SLC35F4: variants seen among roughly 807,000 people sequenced by gnomAD.
The protein encoded by SLC35F4 is solute carrier family 35 member F4.
Under a neutral mutation model 44.2 loss-of-function variants are expected in SLC35F4, and 24 were observed. The observed-to-expected ratio is 0.54, with a 90% CI of 0.39 to 0.76. The LOEUF (loss-of-function observed/expected upper bound fraction) is 0.76. SLC35F4 is among the 30% of genes least tolerant of loss of function. The pLI is 0.00. For missense variants in SLC35F4, 562 were observed against 586.1 expected, an observed-to-expected ratio of 0.96 and a Z score of 0.42; for synonymous variants, 238 against 223.6, an observed-to-expected ratio of 1.06 and a Z score of -0.57.
chr14:57,813,947 G>A (rs1882271150), intron 1 of SLC35F4, among the ~76,000 whole-genome samples: 1 of 152,144 alleles, frequency 6.6e-6, no homozygotes, highest in Admixed American at 6.5e-5. Context: ...ACGCTTTAGG[G>A]TCTAGAAGTC....
intron 1 of SLC35F4, among the ~76,000 whole-genome samples, chr14:57,671,255 G>T (rs1341015148): frequency 6.6e-6 from 1 of 152,022 alleles, no homozygotes; most frequent in East Asian, 1.9e-4. Flanking sequence ...AAGCGGTGGG[G>T]AGCTGGGGCA....
intron 1 of SLC35F4, among the ~76,000 whole-genome samples, chr14:57,905,227 A>T (rs903172055): frequency 6.6e-6 from 1 of 152,166 alleles, no homozygotes; most frequent in Non-Finnish European, 1.5e-5. Flanking sequence ...AGCAGGCCTC[A>T]GTTTCTCTCC....
chr14:57,810,885 G>C (rs1397213578), intron 1 of SLC35F4, among the ~76,000 whole-genome samples: 1 of 152,234 alleles, frequency 6.6e-6, no homozygotes, highest in Non-Finnish European at 1.5e-5. Flanking sequence ...CTCTAAGGCA[G>C]ATGAATGTTT....
chr14:57,795,963 T>G (rs1235155311), intron 1 of SLC35F4, among the ~76,000 whole-genome samples: 1 of 152,114 alleles, frequency 6.6e-6, no homozygotes, highest in Non-Finnish European at 1.5e-5. Context: ...CCCTCCACCC[T>G]CAAGTAGGCC....
At chr14:57,599,781 G>A (rs889627474) in intron 1 of SLC35F4, among the ~76,000 whole-genome samples, 21 of 140,654 alleles carry the variant, frequency 1.5e-4, no homozygotes, top group Non-Finnish European at 1.8e-4. Flanking sequence ...CAGCCTGGGC[G>A]ACAGAGCAAG....
At chr14:57,590,217 T>A (rs1371760658) in intron 2 of SLC35F4, among the ~76,000 whole-genome samples, 40 of 128,680 alleles carry the variant, frequency 3.1e-4, no homozygotes, top group African/African-American at 1.1e-3. Context: ...AAGAGAGACC[T>A]TGTCTATGCA....
intron 1 of SLC35F4, among the ~76,000 whole-genome samples, chr14:57,860,451 C>G (rs1887584367): frequency 6.6e-6 from 1 of 152,108 alleles, no homozygotes; most frequent in Non-Finnish European, 1.5e-5. Flanking sequence ...CAAAGCTGAC[C>G]TACTGCATGG....
chr14:57,689,007 A>G (rs1283193873), intron 1 of SLC35F4, among the ~76,000 whole-genome samples: 1 of 152,154 alleles, frequency 6.6e-6, no homozygotes, highest in African/African-American at 2.4e-5. Context: ...ATTATTTGTT[A>G]GGCAACTGCA....
intron 1 of SLC35F4, among the ~76,000 whole-genome samples, chr14:57,955,281 T>C (rs1478016226): frequency 6.6e-6 from 1 of 152,162 alleles, no homozygotes; most frequent in South Asian, 2.1e-4. Flanking sequence ...TAGGTATTGA[T>C]AGAACATATC....
intron 1 of SLC35F4, among the ~76,000 whole-genome samples, chr14:57,839,605 C>G (rs995418687): frequency 6.6e-6 from 1 of 151,736 alleles, no homozygotes; most frequent in African/African-American, 2.4e-5. Context: ...TTCAGGGAGG[C>G]GGGGAGAGAG....
intron 1 of SLC35F4, among the ~76,000 whole-genome samples, chr14:57,745,666 G>T (rs910062205): frequency 1.3e-5 from 2 of 152,198 alleles, no homozygotes; most frequent in East Asian, 3.8e-4. Context: ...CACTGTGGAA[G>T]GCAGTGTGGC....
chr14:57,753,317 C>T (rs2076928087), intron 1 of SLC35F4, among the ~76,000 whole-genome samples: 1 of 152,166 alleles, frequency 6.6e-6, no homozygotes, highest in South Asian at 2.1e-4. Flanking sequence ...TTAGATTCTC[C>T]TCTGGGTTGG....
At chr14:57,613,959 G>T in intron 1 of SLC35F4, among the ~76,000 whole-genome samples, 1 of 152,172 alleles carries the variant, frequency 6.6e-6, no homozygotes, top group East Asian at 1.9e-4. Context: ...CCCTGGACTG[G>T]TGCCTTTTCA....
At chr14:57,796,011 A>G (rs976129765) in intron 1 of SLC35F4, among the ~76,000 whole-genome samples, 15 of 152,158 alleles carry the variant, frequency 9.9e-5, no homozygotes, top group African/African-American at 3.4e-4. Context: ...TATGTACTCA[A>G]TGTTTAGCTC....
At chr14:57,750,416 T>C (rs1050239464) in intron 1 of SLC35F4, among the ~76,000 whole-genome samples, 16 of 152,162 alleles carry the variant, frequency 1.1e-4, no homozygotes, top group South Asian at 2.1e-4. Context: ...AGTAGTGGGA[T>C]TGCTGGATCA....
At chr14:57,710,105 A>G (rs2075780681) in intron 1 of SLC35F4, among the ~76,000 whole-genome samples, 1 of 152,154 alleles carries the variant, frequency 6.6e-6, no homozygotes, top group Non-Finnish European at 1.5e-5. Context: ...GGAGGGAAAA[A>G]TGGTTTCCTG....
chr14:57,655,962 C>G (rs2073951115), intron 1 of SLC35F4, among the ~76,000 whole-genome samples: 1 of 152,118 alleles, frequency 6.6e-6, no homozygotes, highest in Non-Finnish European at 1.5e-5. Context: ...CCATGAGATG[C>G]ATTCCTGAGG....
chr14:57,617,024 A>G (rs986131756), intron 1 of SLC35F4, among the ~76,000 whole-genome samples: 1 of 151,974 alleles, frequency 6.6e-6, no homozygotes, highest in Non-Finnish European at 1.5e-5. Context: ...GTTAAGTCAG[A>G]TAACTTGAGC....
At chr14:57,681,810 C>A (rs1170255064) in intron 1 of SLC35F4, among the ~76,000 whole-genome samples, 1 of 151,996 alleles carries the variant, frequency 6.6e-6, no homozygotes, top group East Asian at 1.9e-4. Flanking sequence ...AAGAAAAAAA[C>A]AACCCCATCA....
Sources: allele counts gnomAD v4.1 joint callset (sites outside exome capture counted in the v4.1 genomes callset), GRCh38; gene constraint gnomAD v4.1.1; transcripts MANE v1.5; gene names NCBI Gene and HGNC (gene_info 2026-07-23, HGNC 2026-07-21).